The following AVL9 variants were observed in gnomAD, a reference collection of about 807,000 sequenced individuals.
AVL9 encodes AVL9 cell migration associated.
A neutral mutation model predicts 79.2 loss-of-function variants in AVL9; 49 were observed. The observed-to-expected ratio is 0.62, with a 90% CI of 0.49 to 0.79. The LOEUF (loss-of-function observed/expected upper bound fraction) is 0.79, where lower values mean the gene tolerates loss of function less well. AVL9 is among the 30% of genes least tolerant of loss of function. The probability of loss-of-function intolerance (pLI) is 0.00; values close to 1 mark genes in which losing one functional copy is unlikely to be tolerated. For synonymous variants in AVL9, 299 were observed against 280.6 expected (o/e 1.07, Z -0.65); for missense variants, 682 against 776.8 (o/e 0.88, Z 1.45).
At chr7:32,555,539 ATTG>A (rs1790017502) in intron 8 of AVL9, among the ~76,000 whole-genome samples, 2 of 152,122 alleles carry the variant, frequency 1.3e-5, no homozygotes, top group Admixed American at 1.3e-4. Context: ...CCTACTACCT[ATTG>A]TTATACATAA....
intron 10 of AVL9, among the ~76,000 whole-genome samples, chr7:32,559,708 A>G (rs1459372326): frequency 6.6e-6 from 1 of 152,148 alleles, no homozygotes; most frequent in Non-Finnish European, 1.5e-5. Flanking sequence ...CATATGCACA[A>G]TCACTCTCTT....
At position 32,570,283 on chromosome 7, in the gene AVL9, A is replaced by G. The variant is rs116088811; in HGVS notation, c.1350+129A>G. On this transcript the variant is annotated intron_variant, in intron 11 of 15. Coordinates refer to ENST00000318709, the MANE Select transcript of AVL9 (RefSeq NM_015060.3). ...CTGCATACTGTATGCCATGTATTCT[A>G]AGTATTTTATGTGTATTAACTGGTC... 6,388 of 1,276,762 alleles carry G rather than the reference A, an allele frequency of 5.0e-3. 247 individuals carry two copies. In the African/African-American group the frequency reaches 0.078, roughly 16 times the overall value. The allele number at this position is 1,276,762 out of a possible 1,614,324, so 79.1% of individuals were successfully genotyped here.
In AVL9 at chr7:32,502,406, A is replaced by AAAAAAAAAAG. The variant is rs201243248; in HGVS notation, c.93+6607_93+6608insAAAAAAGAAA. On this transcript the variant is annotated intron_variant, in intron 1 of 15. Transcript: ENST00000318709. ...AAACCCTTTCTCAAAAAAAAAAAAA[A>AAAAAAAAAAG]AAAGAAAGAAAAGGTATCAAACCAT... Among the ~76,000 whole-genome samples the AAAAAAAAAAG allele has an allele frequency of 2.2e-3, 310 of 140,094 alleles. 5 individuals carry two copies. The highest frequency in any genetic ancestry group is 2.5e-3 in the Non-Finnish European group (164 of 65,264). The allele number at this position is 140,094 out of a possible 152,430, so 91.9% of individuals were successfully genotyped here.
At chr7:32,582,426 T>C (rs550328635) in intron 15 of AVL9, among the ~76,000 whole-genome samples, 25 of 152,216 alleles carry the variant, frequency 1.6e-4, no homozygotes, top group Non-Finnish European at 3.1e-4. Flanking sequence ...GCGCTACCAC[T>C]AGATTAGTTT....
chr7:32,580,892 T>C lies in AVL9; in HGVS notation c.1831+2T>C, dbSNP rs1197447127. On this transcript the variant is annotated splice_donor_variant, in intron 15 of 15. Coordinates refer to ENST00000318709, the MANE Select transcript of AVL9 (RefSeq NM_015060.3). LOFTEE classifies it high-confidence loss of function. ...TTGTACAAACAGGAAAAGCTGTTGG[T>C]AAGACATGCCTTTAGCCAGGAACAA... 7.4e-6 allele frequency: 12 copies of C among 1,612,266 alleles called. No individual in the cohort carries two copies. Among genetic ancestry groups the C allele is most frequent in the Admixed American group, 1.7e-5 (1 of 59,904 alleles).
intron 1 of AVL9, among the ~76,000 whole-genome samples, chr7:32,540,870 A>C (rs1336666121): frequency 2.3e-5 from 2 of 85,288 alleles, no homozygotes; most frequent in African/African-American, 7.4e-5. Context: ...TTGTTGTACT[A>C]CTTTTTTTTT....
chr7:32,514,148 C>G (rs1199817974), intron 1 of AVL9, among the ~76,000 whole-genome samples: 1 of 152,152 alleles, frequency 6.6e-6, no homozygotes, highest in Non-Finnish European at 1.5e-5. Flanking sequence ...CTTCCTCTTT[C>G]ACTAATCCTC....
At chr7:32,518,771 A>G (rs1482821714) in intron 1 of AVL9, among the ~76,000 whole-genome samples, 1 of 152,168 alleles carries the variant, frequency 6.6e-6, no homozygotes, top group Non-Finnish European at 1.5e-5. Context: ...GTAAAAAGGG[A>G]ATTTATAAAA....
At chr7:32,551,624 T>A (rs963885448) in intron 5 of AVL9, among the ~76,000 whole-genome samples, 4 of 149,234 alleles carry the variant, frequency 2.7e-5, no homozygotes, top group South Asian at 2.1e-4. Flanking sequence ...TTTTTTTTTT[T>A]AGGAAATAAT....
In AVL9 at chr7:32,548,837, T is replaced by C; in HGVS notation, c.301-10T>C. On this transcript the variant is annotated splice_polypyrimidine_tract_variant and intron_variant, in intron 3 of 15. Coordinates refer to ENST00000318709, the MANE Select transcript of AVL9 (RefSeq NM_015060.3). ...AATATTTCTGATAAATTGCTCTTTG[T>C]TCATAATAGGCACTGAAAGTAAGGC... 1 of 1,545,674 alleles carries C rather than the reference T, an allele frequency of 6.5e-7. No homozygotes were observed. Among genetic ancestry groups the C allele is most frequent in the South Asian group, 1.3e-5 (1 of 76,754 alleles).
At chr7:32,574,090 C>T (rs2060706) in intron 12 of AVL9, among the ~76,000 whole-genome samples, 75,453 of 151,922 alleles carry the variant, frequency 0.5, 20,650 homozygotes, top group Admixed American at 0.65. Flanking sequence ...ATGTGTTGAG[C>T]TTGTGTTTTT....
At chr7:32,513,257 G>T (rs1312687640) in intron 1 of AVL9, among the ~76,000 whole-genome samples, 1 of 152,138 alleles carries the variant, frequency 6.6e-6, no homozygotes, top group Non-Finnish European at 1.5e-5. Flanking sequence ...TCCCTCCTCA[G>T]CCAGGGCACC....
intron 1 of AVL9, among the ~76,000 whole-genome samples, chr7:32,516,134 T>C (rs1787893242): frequency 6.6e-6 from 1 of 152,230 alleles, no homozygotes; most frequent in African/African-American, 2.4e-5. Context: ...AAGTTCTGCT[T>C]TCCTGTATTA....
intron 10 of AVL9, among the ~76,000 whole-genome samples, chr7:32,565,277 C>T (rs1012674665): frequency 6.6e-6 from 1 of 152,068 alleles, no homozygotes; most frequent in Non-Finnish European, 1.5e-5. Context: ...TACCTCAATG[C>T]GACTGGGCGT....
chr7:32,570,883 A>G (rs1348351662), intron 11 of AVL9, among the ~76,000 whole-genome samples: 1 of 146,440 alleles, frequency 6.8e-6, no homozygotes, highest in Non-Finnish European at 1.5e-5. Flanking sequence ...GGCCTCCCCA[A>G]GTGCTGGGAT....
intron 1 of AVL9, chr7:32,539,170 G>A (rs1191739776): frequency 4.6e-5 from 7 of 152,232 alleles, no homozygotes; most frequent in Admixed American, 4.6e-4. Flanking sequence ...AGAAACGCTT[G>A]AACCCGAGAG....
At chr7:32,540,930 G>T (rs866312186) in intron 1 of AVL9, among the ~76,000 whole-genome samples, 1 of 109,994 alleles carries the variant, frequency 9.1e-6, no homozygotes, top group Non-Finnish European at 1.7e-5. Flanking sequence ...ACGGAGTCTC[G>T]CTCTGTCGCC....
chr7:32,558,044 C>T (rs539530033), intron 8 of AVL9, among the ~76,000 whole-genome samples: 2 of 150,196 alleles, frequency 1.3e-5, no homozygotes, highest in Non-Finnish European at 3.0e-5. Flanking sequence ...TTAGTAGAGA[C>T]GGGGTTTCAG....
chr7:32,540,653 C>CG (rs1447446759), intron 1 of AVL9, among the ~76,000 whole-genome samples: 1 of 152,044 alleles, frequency 6.6e-6, no homozygotes, highest in Admixed American at 6.6e-5. Flanking sequence ...CCACCTCAGT[C>CG]TAAGGGCCTC....
Sources: allele counts gnomAD v4.1 joint callset (sites outside exome capture counted in the v4.1 genomes callset), GRCh38; gene constraint gnomAD v4.1.1; transcripts MANE v1.5; gene names NCBI Gene and HGNC (gene_info 2026-07-23, HGNC 2026-07-21).